Variants in PIWIL4 observed in about 807,000 individuals in gnomAD.
PIWIL4 encodes the protein piwi like RNA-mediated gene silencing 4.
Under a neutral mutation model 100.9 loss-of-function variants are expected in PIWIL4, and 50 were observed. The observed-to-expected ratio is 0.50, with a 90% CI of 0.39 to 0.63. The LOEUF (loss-of-function observed/expected upper bound fraction) is 0.63, where lower values mean the gene tolerates loss of function less well. Ranked by LOEUF, PIWIL4 falls within the 20% of genes least tolerant of loss-of-function variation. PIWIL4 has a pLI of 0.00. For synonymous variants in PIWIL4, 342 were observed against 367.5 expected (o/e 0.93, Z 0.79); for missense variants, 887 against 1,043.3 (o/e 0.85, Z 2.06).
chr11:94,573,180 C>T (rs1204246791), intron 2 of PIWIL4, among the ~76,000 whole-genome samples: 1 of 152,120 alleles, frequency 6.6e-6, no homozygotes, highest in East Asian at 1.9e-4. Flanking sequence ...AGCTTAAGGA[C>T]ATTTTGGGCT....
In PIWIL4 at chr11:94,583,455, A is replaced by T. The variant is rs946715808; in HGVS notation, c.521A>T (p.Glu174Val). 6.2e-7 allele frequency: 1 copy of T among 1,613,756 alleles called. No homozygotes were observed. The highest frequency in any genetic ancestry group is 8.5e-7 in the Non-Finnish European group (1 of 1,179,680). ...LSQKLEEKVTELSSETQRGET... is the reference protein window; with the variant it reads ...LSQKLEEKVTVLSSETQRGET... ...AGTACCTCTTTTTCCCAGGTCACAG[A>T]GTTGTCAAGTGAAACTCAAAGAGGT... The change falls in exon 5 of 20, where the codon GAG (glutamate) becomes GTG (valine). Residue 174 changes from glutamate to valine, a missense_variant. Coordinates refer to ENST00000299001, the MANE Select transcript of PIWIL4 (RefSeq NM_152431.3).
chr11:94,577,352 C>T lies in PIWIL4; in HGVS notation c.373C>T (p.Gln125Ter). The T allele has an allele frequency of 6.2e-7, 1 of 1,613,996 alleles. No individual in the cohort carries two copies. The highest frequency in any genetic ancestry group is 8.5e-7 in the Non-Finnish European group (1 of 1,179,932). ...TTTTCCCCAAGACTGGCAGCTATAC[C>T]AGTACCATGTGACATATATTCCAGA... ...LDFPQDWQLYQYHVTYIPDLA... is the reference protein window; with the variant it reads ...LDFPQDWQLY Residue 125 changes from glutamine (Q) to a stop codon, truncating the protein, a stop_gained, in exon 4 of 20, where the codon CAG becomes TAG. Transcript: ENST00000299001. LOFTEE classifies it high-confidence loss of function.
intron 2 of PIWIL4, among the ~76,000 whole-genome samples, chr11:94,572,084 T>G (rs1948163278): frequency 6.6e-6 from 1 of 152,244 alleles, no homozygotes; most frequent in Non-Finnish European, 1.5e-5. Context: ...CATAAATGTC[T>G]TCTTTTGAGA....
intron 15 of PIWIL4, among the ~76,000 whole-genome samples, chr11:94,614,000 G>A (rs1362394909): frequency 6.6e-6 from 1 of 152,116 alleles, no homozygotes; most frequent in East Asian, 1.9e-4. Flanking sequence ...CTAACCTCCT[G>A]ATCCACCTGC....
chr11:94,611,742 C>T (rs1379032096), intron 15 of PIWIL4, among the ~76,000 whole-genome samples: 1 of 152,178 alleles, frequency 6.6e-6, no homozygotes, highest in African/African-American at 2.4e-5. Context: ...CTTTTGCTCC[C>T]TCTTTCACCA....
At chr11:94,614,295 C>G (rs111243562) in intron 15 of PIWIL4, among the ~76,000 whole-genome samples, 1 of 99,082 alleles carries the variant, frequency 1.0e-5, no homozygotes, top group African/African-American at 4.1e-5. Flanking sequence ...CCTGATTTTT[C>G]TTTTCTTTTT....
At chr11:94,567,796 T>C in intron 1 of PIWIL4, 191 bp downstream of exon 1, 1 of 1,224,566 alleles carries the variant, frequency 8.2e-7, no homozygotes, top group South Asian at 3.5e-5. Context: ...CTGAGTAAGA[T>C]ATTAACGTAG....
chr11:94,607,644 G>A lies in PIWIL4; in HGVS notation c.1839+5G>A. ...CTGTGGGCTGTGGAAATACCTGTAAGGACCCTGTCACATTTTTTCTATTAG... is the reference window on the plus strand; with the variant it reads ...CTGTGGGCTGTGGAAATACCTGTAAAGACCCTGTCACATTTTTTCTATTAG... On this transcript the variant is annotated splice_donor_5th_base_variant and intron_variant, in intron 14 of 19. Coordinates refer to ENST00000299001, the MANE Select transcript of PIWIL4 (RefSeq NM_152431.3). The A allele has an allele frequency of 1.2e-6, 2 of 1,609,450 alleles. No homozygotes were observed. Among genetic ancestry groups the A allele is most frequent in the African/African-American group, 2.7e-5 (2 of 74,684 alleles).
chr11:94,598,848 T>C (rs559435662), intron 11 of PIWIL4, among the ~76,000 whole-genome samples: 11 of 151,854 alleles, frequency 7.2e-5, no homozygotes, highest in African/African-American at 2.7e-4. Context: ...GCTGGGACTA[T>C]AGGCGTGCGC....
chr11:94,604,557 A>ATG lies in PIWIL4; in HGVS notation c.1638+509_1638+510dup, dbSNP rs536264359. On this transcript the variant is annotated intron_variant, in intron 13 of 19. Coordinates refer to ENST00000299001, the MANE Select transcript of PIWIL4 (RefSeq NM_152431.3). ...ACAGTTGCCTCATTTCCCAAAGGGC[A>ATG]TGTGTGTGTAGCTGACTTTGCAGAC... is the stretch of plus-strand genomic sequence containing the variant. Among the ~76,000 whole-genome samples, 313 of 152,282 alleles carry ATG rather than the reference A, an allele frequency of 2.1e-3. 8 individuals are homozygous for ATG. In the South Asian group the frequency reaches 0.063, roughly 31 times the overall value.
chr11:94,608,760 C>T (rs1213137228), intron 15 of PIWIL4, 74 bp downstream of exon 15: 2 of 1,256,824 alleles, frequency 1.6e-6, no homozygotes, highest in Non-Finnish European at 2.3e-6. Flanking sequence ...AAGAATGTAA[C>T]AGCAAGGAAT....
chr11:94,586,609 T>C (rs944718861), intron 6 of PIWIL4, among the ~76,000 whole-genome samples: 11 of 152,208 alleles, frequency 7.2e-5, no homozygotes, highest in African/African-American at 2.4e-4. Flanking sequence ...CATAAATGTA[T>C]TATTCCTATA....
intron 13 of PIWIL4, among the ~76,000 whole-genome samples, chr11:94,604,279 A>AG (rs1948686813): frequency 1.3e-5 from 2 of 152,204 alleles, no homozygotes; most frequent in Non-Finnish European, 1.5e-5. Flanking sequence ...CCCCTATAAC[A>AG]GCCATTGGTG....
chr11:94,576,462 A>C (rs1217164890), intron 3 of PIWIL4, among the ~76,000 whole-genome samples: 1 of 152,066 alleles, frequency 6.6e-6, no homozygotes, highest in East Asian at 1.9e-4. Flanking sequence ...ATAAGACCAA[A>C]ACTGGATGAT....
At chr11:94,600,904 C>G (rs112856780) in intron 11 of PIWIL4, among the ~76,000 whole-genome samples, 1 of 151,798 alleles carries the variant, frequency 6.6e-6, no homozygotes, top group African/African-American at 2.4e-5. Flanking sequence ...CTGTTCCGCC[C>G]GGCTCACCGG....
chr11:94,614,371 G>A (rs772530903), intron 15 of PIWIL4, among the ~76,000 whole-genome samples: 1 of 145,096 alleles, frequency 6.9e-6, no homozygotes, highest in African/African-American at 2.6e-5. Flanking sequence ...GTGGTGGTGC[G>A]ATCTCAGCTC....
In PIWIL4 at chr11:94,587,112, G is replaced by T; in HGVS notation, c.779G>T (p.Ser260Ile). 6.2e-7 allele frequency: 1 copy of T among 1,613,966 alleles called. No homozygotes were observed. Among genetic ancestry groups the T allele is most frequent in the Non-Finnish European group, 8.5e-7 (1 of 1,179,930 alleles). ...VSYFERKLLF[S>I]ADVSYKVLRN... ...TATTTTGAAAGGAAGCTCCTGTTTAGTGCTGATGTGAGTTACAAAGTCCTC... is the reference window on the plus strand; with the variant it reads ...TATTTTGAAAGGAAGCTCCTGTTTATTGCTGATGTGAGTTACAAAGTCCTC... Residue 260 changes from serine to isoleucine, a missense_variant, in exon 7 of 20, where the codon AGT becomes ATT. Transcript: ENST00000299001.
At chr11:94,616,645 T>G in intron 16 of PIWIL4, 82 bp downstream of exon 16, 1 of 1,138,908 alleles carries the variant, frequency 8.8e-7, no homozygotes, top group East Asian at 2.4e-5. Context: ...GAAGACCACA[T>G]AGGTCAGAGC....
At chr11:94,587,330 G>C in intron 7 of PIWIL4, 83 bp downstream of exon 7, 1 of 1,361,902 alleles carries the variant, frequency 7.3e-7, no homozygotes, top group Non-Finnish European at 1.0e-6. Flanking sequence ...TTGGAGTATT[G>C]GCCCAATATC....
Sources: gnomAD v4.1 joint callset for allele counts (sites outside exome capture counted in the v4.1 genomes callset) on GRCh38, gnomAD v4.1.1 for gene constraint, MANE v1.5 for transcripts, NCBI Gene and HGNC (gene_info 2026-07-23, HGNC 2026-07-21) for gene names.